Variants in ALG12 observed in about 807,000 individuals in gnomAD.
ALG12 encodes the protein dol-P-Man:Man(7)GlcNAc(2)-PP-Dol alpha-1,6-mannosyltransferase.
ALG12 carries 36 observed loss-of-function variants against 46.0 expected under a neutral mutation model. The observed-to-expected ratio is 0.78, with a 90% CI of 0.60 to 1.03. The LOEUF is 1.03. ALG12 is among the 50% of genes least tolerant of loss of function. The probability of loss-of-function intolerance (pLI) is 0.00; values close to 1 mark genes in which losing one functional copy is unlikely to be tolerated. For synonymous variants in ALG12, 326 were observed against 291.6 expected (o/e 1.12, Z -1.20); for missense variants, 599 against 633.5 (o/e 0.95, Z 0.58).
the ALG12 span, among the ~76,000 whole-genome samples, chr22:49,865,802 T>C: frequency 3.3e-5 from 5 of 152,296 alleles, no homozygotes; most frequent in South Asian, 1.0e-3. Flanking sequence ...TAGTAGTTTT[T>C]CTGCATTCAT....
At chr22:49,864,820 C>CAAAAAAAA in the ALG12 span, among the ~76,000 whole-genome samples, 3 of 66,984 alleles carry the variant, frequency 4.5e-5, no homozygotes, top group African/African-American at 2.0e-4. Flanking sequence ...ACCCTGTCTC[C>CAAAAAAAA]AAAAAAAAAA....
rs751406859 is a variant in ALG12 at position 49,903,790 on chromosome 22, T to A, written c.*48A>T. ...GAATTGTGCCAGAAACTGGTAGTGA[T>A]AACAGCTCCTGGAAGGCCTGTGGCT... On this transcript the variant is annotated 3_prime_UTR_variant, in exon 10 of 10. Transcript: ENST00000330817. The A allele has an allele frequency of 6.9e-6, 11 of 1,591,410 alleles. No homozygotes were observed. The highest frequency in any genetic ancestry group is 9.5e-6 in the Non-Finnish European group (11 of 1,159,676).
Position 49,910,445 on chromosome 22 carries a change from G to A in ALG12, c.458C>T (p.Ala153Val). 3 of 1,613,506 alleles carry A rather than the reference G, an allele frequency of 1.9e-6. No homozygotes were observed. Among genetic ancestry groups the A allele is most frequent in the Non-Finnish European group, 2.5e-6 (3 of 1,179,962 alleles). ...YCTRTLPNVL[A>V]LPVVLLALAA... is the part of the protein sequence containing the mutation. ...CGGCAGCTACGTACCTACAGGCAGG[G>A]CCAGCACATTGGGCAGTGTCCGCGT... The change falls in exon 4 of 10, where the codon GCC (alanine) becomes GTC (valine). Residue 153 changes from alanine to valine, a missense_variant. Physicochemically the swap from Ala to Val is moderately conservative, Grantham distance 64 (BLOSUM62 0). Coordinates refer to ENST00000330817, the MANE Select transcript of ALG12 (RefSeq NM_024105.4).
At chr22:49,886,597 G>A in the ALG12 span, 12 of 1,559,642 alleles carry the variant, frequency 7.7e-6, no homozygotes, top group Admixed American at 5.7e-5. The surrounding 1 kb of genome is among the most constrained non-coding windows in gnomAD (Gnocchi z 7.7). Context: ...GATGGGCATC[G>A]ACACCATGCT....
At chr22:49,912,642 T>C (rs536582214) in intron 3 of ALG12, among the ~76,000 whole-genome samples, 1 of 152,208 alleles carries the variant, frequency 6.6e-6, no homozygotes, top group Non-Finnish European at 1.5e-5. Flanking sequence ...GCTGGAAGCA[T>C]GTCTGGGTAT....
At chr22:49,871,604 G>A in the ALG12 span, among the ~76,000 whole-genome samples, 2 of 152,184 alleles carry the variant, frequency 1.3e-5, no homozygotes, top group African/African-American at 4.8e-5. Context: ...AATGCCAACA[G>A]TCATCTGAGC....
In ALG12 at chr22:49,905,773, G is replaced by A. The variant is rs1158676970; in HGVS notation, c.993-1267C>T. On this transcript the variant is annotated intron_variant, in intron 7 of 9. Coordinates refer to ENST00000330817, the MANE Select transcript of ALG12 (RefSeq NM_024105.4). The surrounding 1 kb of genome is among the most constrained non-coding windows in gnomAD (Gnocchi z 4.9). ...CAGTCTCAGGTGTTTCTTTACATCA[G>A]TGCGAGAGCAGACTAGTGCACCCTT... Among the ~76,000 whole-genome samples the A allele has an allele frequency of 6.6e-6, 1 of 152,192 alleles. No homozygotes were observed. The highest frequency in any genetic ancestry group is 2.4e-5 in the African/African-American group (1 of 41,448).
the ALG12 span, among the ~76,000 whole-genome samples, chr22:49,875,444 G>A: frequency 0.76 from 112,880 of 149,174 alleles, 44,781 homozygotes; most frequent in East Asian, 0.9. Context: ...TTTTTGAGAC[G>A]GAGTCTTGCT....
the ALG12 span, among the ~76,000 whole-genome samples, chr22:49,892,974 A>G: frequency 6.6e-6 from 1 of 152,350 alleles, no homozygotes; most frequent in Non-Finnish European, 1.5e-5. Context: ...ATTCAATAAT[A>G]TGGATGAGAA....
rs77702086 is a variant in ALG12 at position 49,901,329 on chromosome 22, T to A, written c.*2509A>T. The A allele has an allele frequency of 6.6e-6, 1 of 152,228 alleles. No individual in the cohort carries two copies. The highest frequency in any genetic ancestry group is 1.5e-5 in the Non-Finnish European group (1 of 68,050). The allele number at this position is 152,228 out of a possible 1,614,324, so 9.4% of individuals were successfully genotyped here. On this transcript the variant is annotated 3_prime_UTR_variant, in exon 10 of 10. Transcript: ENST00000330817. Reference sequence around the variant, plus strand: ...GGGAGTCAGGAAGTGTCTGCACAGATGTTCGCCAGACGCAATGGGAAAACC... The same window carrying A: ...GGGAGTCAGGAAGTGTCTGCACAGAAGTTCGCCAGACGCAATGGGAAAACC...
the ALG12 span, among the ~76,000 whole-genome samples, chr22:49,868,186 G>A: frequency 6.6e-6 from 1 of 152,254 alleles, no homozygotes; most frequent in African/African-American, 2.4e-5. Context: ...TGTTGTTGTT[G>A]ATAACATCAG....
the ALG12 span, among the ~76,000 whole-genome samples, chr22:49,869,453 C>T: frequency 6.6e-6 from 1 of 152,186 alleles, no homozygotes; most frequent in African/African-American, 2.4e-5. Context: ...TAGTGTGGGT[C>T]ACTTAGAGAC....
chr22:49,908,383 CTGGG>C (rs1340928242), intron 6 of ALG12, among the ~76,000 whole-genome samples: 9,889 of 142,162 alleles, frequency 0.07, 628 homozygotes, highest in African/African-American at 0.13. Context: ...CAAAAATTAG[CTGGG>C]CATGGTGGCA....
intron 3 of ALG12, among the ~76,000 whole-genome samples, chr22:49,911,175 C>T (rs763356750): frequency 2.0e-5 from 3 of 152,224 alleles, no homozygotes; most frequent in Admixed American, 6.5e-5. Context: ...GCCTGTCAGC[C>T]GCTGGCAAGA....
At position 49,905,523 on chromosome 22, in the gene ALG12, C is replaced by T. The variant is rs926049057; in HGVS notation, c.993-1017G>A. ...CCCCTCCATGCTGTTCTCCTCATAC[C>T]GAGTGAGTTCTCGAGAGGTCTGCTT... On this transcript the variant is annotated intron_variant, in intron 7 of 9. Coordinates refer to ENST00000330817, the MANE Select transcript of ALG12 (RefSeq NM_024105.4). This position sits in a 1 kb window ranked among gnomAD's most constrained non-coding sequence, Gnocchi z 4.9. 1.7e-4 allele frequency among the ~76,000 whole-genome samples: 26 copies of T among 152,156 alleles called. No individual in the cohort carries two copies. Among genetic ancestry groups the T allele is most frequent in the African/African-American group, 4.8e-4 (20 of 41,446 alleles).
At chr22:49,884,557 C>T in the ALG12 span, 1 of 1,613,348 alleles carries the variant, frequency 6.2e-7, no homozygotes, top group East Asian at 2.2e-5. Flanking sequence ...CCTGTCGCCA[C>T]TGGACAACTC....
chr22:49,884,738 T>G, the ALG12 span: 1 of 1,593,078 alleles, frequency 6.3e-7, no homozygotes, highest in Non-Finnish European at 8.6e-7. Flanking sequence ...CCCACTCTGC[T>G]GCCTTCCTTG....
the ALG12 span, among the ~76,000 whole-genome samples, chr22:49,872,264 T>G: frequency 0.026 from 3,932 of 152,324 alleles, 150 homozygotes; most frequent in African/African-American, 0.086. Context: ...AGGAGTAGAT[T>G]CCATCTCAAC....
At chr22:49,893,907 T>C in the ALG12 span, among the ~76,000 whole-genome samples, 41 of 152,298 alleles carry the variant, frequency 2.7e-4, no homozygotes, top group Non-Finnish European at 3.4e-4. Context: ...CTCACACCTG[T>C]AATCCCAGCA....
Sources: gnomAD v4.1 joint callset for allele counts (sites outside exome capture counted in the v4.1 genomes callset) on GRCh38, gnomAD v4.1.1 for gene constraint, Gnocchi (gnomAD v3.1) non-coding constraint, MANE v1.5 for transcripts, NCBI Gene and HGNC (gene_info 2026-07-23, HGNC 2026-07-21) for gene names.